Variants in FMN1 observed in about 807,000 individuals in gnomAD.
The protein encoded by FMN1 is formin-1.
In FMN1, 110 loss-of-function variants were observed where a neutral mutation model predicts 132.4. The observed-to-expected ratio is 0.83, with a 90% CI of 0.71 to 0.97. The LOEUF (loss-of-function observed/expected upper bound fraction) is 0.97. FMN1 is among the 50% of genes least tolerant of loss of function. The pLI is 0.00. For missense variants in FMN1, 1,792 were observed against 1,705.3 expected (o/e 1.05, Z -0.90); for synonymous variants, 722 against 651.7 (o/e 1.11, Z -1.64).
chr15:33,134,427 A>C (rs2140234648), intron 4 of FMN1, among the ~76,000 whole-genome samples: 1 of 152,304 alleles, frequency 6.6e-6, no homozygotes, highest in South Asian at 2.1e-4. Flanking sequence ...ACAACCATCT[A>C]AATAAAAAGT....
intron 19 of FMN1, among the ~76,000 whole-genome samples, chr15:32,792,581 C>T (rs895516815): frequency 6.6e-6 from 1 of 152,190 alleles, no homozygotes; most frequent in Non-Finnish European, 1.5e-5. Context: ...AGTTCTCCTG[C>T]TTCCTTTAGT....
intron 18 of FMN1, among the ~76,000 whole-genome samples, chr15:32,801,506 C>T (rs968184442): frequency 6.6e-6 from 1 of 152,112 alleles, no homozygotes; most frequent in African/African-American, 2.4e-5. Context: ...GTGGCTCACG[C>T]CTGTAATCCT....
intron 3 of FMN1, among the ~76,000 whole-genome samples, chr15:33,168,800 C>T (rs1490670385): frequency 2.0e-5 from 3 of 152,148 alleles, no homozygotes; most frequent in African/African-American, 4.8e-5. Context: ...TCTAACTAGC[C>T]GCTATTCCTT....
intron 4 of FMN1, among the ~76,000 whole-genome samples, chr15:33,135,523 G>A (rs1173150504): frequency 6.6e-6 from 1 of 152,174 alleles, no homozygotes; most frequent in Non-Finnish European, 1.5e-5. Flanking sequence ...AAGTAGGAAA[G>A]ATCCCTTTCA....
chr15:32,781,396 A>G (rs946226960), intron 19 of FMN1, among the ~76,000 whole-genome samples: 2 of 152,196 alleles, frequency 1.3e-5, no homozygotes, highest in African/African-American at 2.4e-5. Flanking sequence ...CCCTGCCCAC[A>G]TGCACACGTT....
intron 17 of FMN1, among the ~76,000 whole-genome samples, chr15:32,838,456 A>G (rs2058674979): frequency 9.0e-6 from 1 of 111,124 alleles, no homozygotes; most frequent in Admixed American, 1.0e-4. Flanking sequence ...TGGATCCAAG[A>G]GGAAAACATA....
At chr15:32,865,929 G>A (rs1260555418) in intron 16 of FMN1, among the ~76,000 whole-genome samples, 1 of 151,666 alleles carries the variant, frequency 6.6e-6, no homozygotes, top group Admixed American at 6.6e-5. Context: ...TAAATTAAAA[G>A]TGCTAACTTT....
chr15:32,784,754 C>G (rs1469964020), intron 19 of FMN1, among the ~76,000 whole-genome samples: 2 of 152,180 alleles, frequency 1.3e-5, no homozygotes, highest in East Asian at 3.9e-4. Flanking sequence ...ATGAACCAGA[C>G]TGTGGAAATA....
intron 4 of FMN1, chr15:33,150,126 A>G: frequency 1.0e-6 from 1 of 985,472 alleles, no homozygotes; most frequent in Non-Finnish European, 1.2e-6. Context: ...AAGATTGGGC[A>G]TTTCCCAAGT....
At chr15:32,902,663 C>A (rs2060326058) in intron 12 of FMN1, among the ~76,000 whole-genome samples, 1 of 152,190 alleles carries the variant, frequency 6.6e-6, no homozygotes, top group African/African-American at 2.4e-5. Flanking sequence ...ATTAAGTAGA[C>A]AACCTAAAGT....
At chr15:33,160,250 GA>G (rs1377100556) in intron 3 of FMN1, among the ~76,000 whole-genome samples, 2 of 152,258 alleles carry the variant, frequency 1.3e-5, no homozygotes, top group African/African-American at 4.8e-5. Flanking sequence ...ACATACATGG[GA>G]TGGAACACTG....
intron 7 of FMN1, among the ~76,000 whole-genome samples, chr15:32,987,271 T>A (rs1343392136): frequency 3.3e-5 from 5 of 152,168 alleles, no homozygotes; most frequent in African/African-American, 1.2e-4. Context: ...TTCATACCAT[T>A]GACATGTTGC....
chr15:33,077,279 C>T (rs1457879565), intron 5 of FMN1, among the ~76,000 whole-genome samples: 1 of 151,348 alleles, frequency 6.6e-6, no homozygotes, highest in Non-Finnish European at 1.5e-5. Context: ...AAGCGATCCA[C>T]CTGCCTTGGC....
At chr15:32,906,895 C>A (rs1027864775) in intron 12 of FMN1, among the ~76,000 whole-genome samples, 1 of 152,168 alleles carries the variant, frequency 6.6e-6, no homozygotes, top group African/African-American at 2.4e-5. Context: ...CTGGACCATG[C>A]TCCATGTGAG....
chr15:33,157,993 C>CAA (rs71756813), intron 3 of FMN1, among the ~76,000 whole-genome samples: 7,154 of 123,288 alleles, frequency 0.058, 229 homozygotes, highest in African/African-American at 0.089. Context: ...CCCTGTCTTT[C>CAA]AAAAAAAAAA....
At chr15:33,185,568 A>ATTTTTTTTTTTTTTTTTTTTTT (rs57232200) in intron 2 of FMN1, among the ~76,000 whole-genome samples, 1 of 113,444 alleles carries the variant, frequency 8.8e-6, no homozygotes, top group African/African-American at 4.2e-5. Context: ...TAAAGTAAGA[A>ATTTTTTTTTTTTTTTTTTTTTT]TTTTTTTTTT....
intron 7 of FMN1, among the ~76,000 whole-genome samples, chr15:33,005,907 C>T (rs1368806584): frequency 6.6e-6 from 1 of 152,136 alleles, no homozygotes; most frequent in African/African-American, 2.4e-5. Context: ...CCCTCCTCTC[C>T]TTTTCTTCTA....
intron 2 of FMN1, among the ~76,000 whole-genome samples, chr15:33,191,701 CCG>C (rs1272630342): frequency 6.6e-6 from 1 of 152,184 alleles, no homozygotes; most frequent in African/African-American, 2.4e-5. Context: ...TTACATCTCC[CCG>C]CTTTAGTAAT....
chr15:32,789,941 G>C (rs1262803575), intron 19 of FMN1, among the ~76,000 whole-genome samples: 1 of 152,182 alleles, frequency 6.6e-6, no homozygotes, highest in Non-Finnish European at 1.5e-5. Flanking sequence ...TGTGAAGTAG[G>C]CTACACCATC....
Sources: allele counts gnomAD v4.1 joint callset (sites outside exome capture counted in the v4.1 genomes callset), GRCh38; gene constraint gnomAD v4.1.1; transcripts MANE v1.5; gene names NCBI Gene and HGNC (gene_info 2026-07-23, HGNC 2026-07-21).